The following SNX29 variants were observed in gnomAD, a reference collection of about 807,000 sequenced individuals.
SNX29 encodes sorting nexin 29.
Under a neutral mutation model 102.1 loss-of-function variants are expected in SNX29, and 78 were observed. The observed-to-expected ratio is 0.76, with a 90% CI of 0.64 to 0.92. SNX29 has a LOEUF of 0.92. SNX29 is among the 40% of genes least tolerant of loss of function. The pLI, the probability that SNX29 is intolerant of heterozygous loss-of-function variation, is 0.00. For synonymous variants in SNX29, 580 were observed against 414.5 expected (o/e 1.40, Z -4.85); for missense variants, 1,280 against 1,061.7 (o/e 1.21, Z -2.86).
In SNX29 at chr16:12,449,942, C is replaced by T. The variant is rs188407725; in HGVS notation, c.2038-27777C>T. 2.5e-3 allele frequency among the ~76,000 whole-genome samples: 383 copies of T among 152,304 alleles called. 3 individuals carry two copies. The highest frequency in any genetic ancestry group is 8.8e-3 in the African/African-American group (366 of 41,566). ...GAGTTGTAGCTTCCATAATTCCCCA[C>T]GTGTTGTGGGAGGGACCCGGTGGGA... On this transcript the variant is annotated intron_variant, in intron 18 of 20. Transcript: ENST00000566228.
chr16:12,440,376 G>C (rs75952110), intron 18 of SNX29, among the ~76,000 whole-genome samples: 4,078 of 152,252 alleles, frequency 0.027, 98 homozygotes, highest in East Asian at 0.095. Flanking sequence ...TTAGCAGGCA[G>C]TCTCCATCAC....
At chr16:12,545,999 G>C (rs1017081294) in intron 20 of SNX29, among the ~76,000 whole-genome samples, 13 of 152,114 alleles carry the variant, frequency 8.5e-5, no homozygotes, top group African/African-American at 3.1e-4. Flanking sequence ...TGAACACCTG[G>C]ATGCCAAAAA....
intron 18 of SNX29, among the ~76,000 whole-genome samples, chr16:12,446,066 T>G (rs2086037230): frequency 6.7e-6 from 1 of 148,342 alleles, no homozygotes; most frequent in South Asian, 2.2e-4. Context: ...TTTTTTTTTT[T>G]TTTTTTTGAG....
intron 14 of SNX29, among the ~76,000 whole-genome samples, chr16:12,266,240 G>A (rs938701563): frequency 8.5e-5 from 13 of 152,080 alleles, no homozygotes; most frequent in African/African-American, 2.2e-4. Flanking sequence ...TTGTTTTTCC[G>A]TTTATACTCA....
chr16:12,133,920 C>A (rs1169428187), intron 13 of SNX29, among the ~76,000 whole-genome samples: 1 of 152,178 alleles, frequency 6.6e-6, no homozygotes, highest in Non-Finnish European at 1.5e-5. Flanking sequence ...CATCACTGAG[C>A]AAACCCAGCA....
intron 10 of SNX29, among the ~76,000 whole-genome samples, chr16:12,070,230 G>C (rs1213087577): frequency 6.6e-6 from 1 of 151,584 alleles, no homozygotes; most frequent in African/African-American, 2.4e-5. Flanking sequence ...ACAATGTTCA[G>C]GTTAGTTACA....
At chr16:12,466,466 G>C (rs1247528657) in intron 18 of SNX29, among the ~76,000 whole-genome samples, 1 of 152,212 alleles carries the variant, frequency 6.6e-6, no homozygotes, top group Non-Finnish European at 1.5e-5. Flanking sequence ...GATCATGGGA[G>C]AGAGATACAG....
rs548746109 is a variant in SNX29, at chr16:12,537,066, G to A, written c.2318+12225G>A. On this transcript the variant is annotated intron_variant, in intron 20 of 20. Transcript: ENST00000566228. ...CATTCACTGAGCATATTTAGGAGAC[G>A]ATGTAGATTTATCCATGTATCTCCA... 5.9e-5 allele frequency among the ~76,000 whole-genome samples: 9 copies of A among 152,260 alleles called. No individual in the cohort carries two copies. The East Asian group carries it at 7.7e-4, about 13-fold the overall frequency.
chr16:12,337,071 C>A (rs1219217951), intron 15 of SNX29, among the ~76,000 whole-genome samples: 2 of 152,162 alleles, frequency 1.3e-5, no homozygotes, highest in Non-Finnish European at 2.9e-5. Flanking sequence ...TCTTAACCAT[C>A]TTGGGCAGCA....
intron 15 of SNX29, among the ~76,000 whole-genome samples, chr16:12,291,886 AGAGT>A (rs1199888351): frequency 1.3e-5 from 2 of 152,234 alleles, no homozygotes; most frequent in African/African-American, 4.8e-5. Context: ...GAGTGAGTGA[AGAGT>A]GAGTGAGAGC....
chr16:12,399,665 T>G (rs2083862548), intron 17 of SNX29, among the ~76,000 whole-genome samples: 1 of 151,928 alleles, frequency 6.6e-6, no homozygotes. Context: ...GTGGTGGCGA[T>G]GAGTGAGATT....
chr16:12,528,482 G>T (rs954428960), intron 20 of SNX29, among the ~76,000 whole-genome samples: 1 of 152,144 alleles, frequency 6.6e-6, no homozygotes, highest in Non-Finnish European at 1.5e-5. Flanking sequence ...TTACAGGTGT[G>T]AGCCACCACC....
intron 1 of SNX29, among the ~76,000 whole-genome samples, chr16:11,986,183 G>C (rs1003902993): frequency 6.6e-6 from 1 of 151,866 alleles, no homozygotes; most frequent in Non-Finnish European, 1.5e-5. Context: ...ATCCTGCAAG[G>C]GGAGTGAGGA....
At chr16:12,521,322 G>A (rs1390417838) in intron 19 of SNX29, among the ~76,000 whole-genome samples, 2 of 152,004 alleles carry the variant, frequency 1.3e-5, no homozygotes, top group Admixed American at 1.3e-4. Flanking sequence ...GCAGAACCTG[G>A]CTTAGGTTTC....
At chr16:12,488,451 C>G (rs1283762377) in intron 19 of SNX29, among the ~76,000 whole-genome samples, 2 of 151,990 alleles carry the variant, frequency 1.3e-5, no homozygotes, top group African/African-American at 4.8e-5. Flanking sequence ...TCCCCCCCGT[C>G]CCCGCACCCA....
At chr16:11,989,154 G>T (rs1449760520) in intron 1 of SNX29, among the ~76,000 whole-genome samples, 1 of 152,050 alleles carries the variant, frequency 6.6e-6, no homozygotes, top group East Asian at 1.9e-4. Flanking sequence ...TGTATTTTCG[G>T]TAGAAACGGG....
chr16:12,335,375 G>A (rs979518381), intron 15 of SNX29, among the ~76,000 whole-genome samples: 1 of 152,102 alleles, frequency 6.6e-6, no homozygotes, highest in Non-Finnish European at 1.5e-5. Context: ...GTTTAGTGGT[G>A]ACTATAAGGC....
At chr16:12,140,778 A>G (rs2054841151) in intron 13 of SNX29, among the ~76,000 whole-genome samples, 1 of 152,206 alleles carries the variant, frequency 6.6e-6, no homozygotes, top group African/African-American at 2.4e-5. Flanking sequence ...TCGGTCTGAT[A>G]TAATCTGACA....
chr16:12,553,382 G>T (rs536323388), intron 20 of SNX29, among the ~76,000 whole-genome samples: 1 of 152,198 alleles, frequency 6.6e-6, no homozygotes, highest in Non-Finnish European at 1.5e-5. Flanking sequence ...ATGCTCTCAA[G>T]TTGAACATAT....
Sources: gnomAD v4.1 joint callset for allele counts (sites outside exome capture counted in the v4.1 genomes callset) on GRCh38, gnomAD v4.1.1 for gene constraint, MANE v1.5 for transcripts, NCBI Gene and HGNC (gene_info 2026-07-23, HGNC 2026-07-21) for gene names.